The following UPP2 variants were observed in gnomAD, a reference collection of about 807,000 sequenced individuals.
The protein encoded by UPP2 is UPase 2.
UPP2 carries 23 observed loss-of-function variants against 26.7 expected under a neutral mutation model. The observed-to-expected ratio is 0.86, with a 90% CI of 0.62 to 1.22. The LOEUF is 1.22. Among genes scored for constraint, UPP2 ranks in the 50% most tolerant of loss-of-function variants. UPP2 has a pLI of 0.00. For synonymous variants in UPP2, 127 were observed against 141.3 expected (o/e 0.90, Z 0.72); for missense variants, 387 against 396.7 (o/e 0.98, Z 0.21).
At chr2:158,079,447 T>A (rs571343076) in intron 3 of UPP2, among the ~76,000 whole-genome samples, 1 of 152,082 alleles carries the variant, frequency 6.6e-6, no homozygotes, top group East Asian at 1.9e-4. Flanking sequence ...GCTATTCACC[T>A]CCTGGAAGAT....
chr2:158,115,133 G>A lies in UPP2; in HGVS notation c.213G>A (p.Met71Ile), dbSNP rs759381820. ...FVCVGGSPNRMKAFALFMHKE... is the reference protein window; with the variant it reads ...FVCVGGSPNRIKAFALFMHKE... ...GTGTCGGTGGGAGCCCCAACAGAAT[G>A]AAAGCATTTGCACTGTTTATGCACA... The change falls in exon 3 of 7, where the codon ATG becomes ATA. Residue 71 changes from methionine (M) to isoleucine (I), a missense_variant. Transcript: ENST00000005756. The A allele has an allele frequency of 9.3e-6, 15 of 1,607,078 alleles. No individual in the cohort carries two copies. Among genetic ancestry groups the A allele is most frequent in the Middle Eastern group, 1.6e-4 (1 of 6,066 alleles).
At chr2:158,014,254 CTAGGAGGTCTGGTGGAATCAAT>C (rs1683625555) in intron 2 of UPP2, among the ~76,000 whole-genome samples, 1 of 152,234 alleles carries the variant, frequency 6.6e-6, no homozygotes, top group African/African-American at 2.4e-5. Flanking sequence ...AACTAGTCTA[CTAGGAGGTCTGGTGGAATCAAT>C]TAGGAAAGTT....
intron 6 of UPP2, among the ~76,000 whole-genome samples, chr2:158,133,205 CTCTCA>C (rs1213653948): frequency 6.6e-6 from 1 of 152,196 alleles, no homozygotes; most frequent in Non-Finnish European, 1.5e-5. Context: ...GAAGGAAATT[CTCTCA>C]TTTGCAACAA....
At chr2:158,063,727 C>T (rs1682390097) in intron 3 of UPP2, among the ~76,000 whole-genome samples, 1 of 152,106 alleles carries the variant, frequency 6.6e-6, no homozygotes, top group Non-Finnish European at 1.5e-5. Context: ...GGGTATTTCT[C>T]CTAATGTTAT....
chr2:158,068,809 T>TG, intron 3 of UPP2, among the ~76,000 whole-genome samples: 1 of 49,772 alleles, frequency 2.0e-5, no homozygotes, highest in Non-Finnish European at 3.5e-5. Flanking sequence ...TATATTTTTT[T>TG]TTTTTTTTTT....
intron 2 of UPP2, among the ~76,000 whole-genome samples, chr2:158,112,894 A>T (rs1683349342): frequency 6.6e-6 from 1 of 151,888 alleles, no homozygotes; most frequent in Non-Finnish European, 1.5e-5. Context: ...AATGCCTCTG[A>T]CTCCTTCCCA....
intron 6 of UPP2, 128 bp from the exon 7 acceptor site, chr2:158,134,620 T>C: frequency 8.5e-7 from 1 of 1,173,838 alleles, no homozygotes; most frequent in Non-Finnish European, 1.1e-6. Flanking sequence ...AGGTTGCATC[T>C]ACATTACAAC....
chr2:158,026,514 C>T (rs1374876705), intron 3 of UPP2, among the ~76,000 whole-genome samples: 1 of 152,032 alleles, frequency 6.6e-6, no homozygotes, highest in Non-Finnish European at 1.5e-5. Context: ...TCATGGGAAC[C>T]CTCTCTGTGC....
intron 3 of UPP2, among the ~76,000 whole-genome samples, chr2:158,076,696 G>C (rs1023331737): frequency 6.6e-6 from 1 of 151,988 alleles, no homozygotes; most frequent in African/African-American, 2.4e-5. Flanking sequence ...ATATGTGAAA[G>C]ACTCACAGCT....
At chr2:158,122,706 AAAAATG>A (rs1308421019) in intron 5 of UPP2, among the ~76,000 whole-genome samples, 24 of 149,434 alleles carry the variant, frequency 1.6e-4, no homozygotes, top group African/African-American at 5.8e-4. Flanking sequence ...ACTAGCATTT[AAAAATG>A]TACACCAGTA....
intron 2 of UPP2, 106 bp downstream of exon 2, chr2:158,106,322 T>C (rs1263006236): frequency 4.5e-6 from 4 of 889,092 alleles, no homozygotes; most frequent in Non-Finnish European, 7.0e-6. Context: ...ACAGTCCCAA[T>C]AGGAACTGAA....
chr2:158,084,874 C>G (rs1034485088), intron 3 of UPP2, among the ~76,000 whole-genome samples: 1 of 152,032 alleles, frequency 6.6e-6, no homozygotes, highest in African/African-American at 2.4e-5. Flanking sequence ...TATACTAGTA[C>G]CATGCTGTTT....
intron 3 of UPP2, among the ~76,000 whole-genome samples, chr2:158,031,430 T>C (rs1683918871): frequency 6.6e-6 from 1 of 152,232 alleles, no homozygotes; most frequent in African/African-American, 2.4e-5. Context: ...TCTTCATACA[T>C]TTGATGATTT....
At chr2:158,003,729 AAGAG>A (rs921761768) in intron 2 of UPP2, among the ~76,000 whole-genome samples, 15 of 151,558 alleles carry the variant, frequency 9.9e-5, no homozygotes, top group African/African-American at 2.9e-4. Context: ...AAAAAAAAAA[AAGAG>A]AGAAAACTAC....
rs563558975 is a variant in UPP2, at chr2:158,092,767, T to A, written c.148-9273T>A. 2.6e-5 allele frequency among the ~76,000 whole-genome samples: 4 copies of A among 152,350 alleles called. No individual in the cohort carries two copies. In the South Asian group the frequency reaches 8.3e-4, roughly 32 times the overall value. On this transcript the variant is annotated intron_variant, in intron 3 of 9. Transcript: ENST00000605860. ...CAAAATGTGAAGTAGTAATTAGAGT[T>A]AAATTGTTCCAAGTTGCTTGTGTTA...
intron 3 of UPP2, among the ~76,000 whole-genome samples, chr2:158,036,001 G>C (rs993570802): frequency 6.6e-6 from 1 of 152,196 alleles, no homozygotes; most frequent in Admixed American, 6.5e-5. Context: ...TCCTGGAGAT[G>C]TTGTCACTCC....
intron 2 of UPP2, among the ~76,000 whole-genome samples, chr2:158,007,343 A>G (rs1426757077): frequency 1.3e-5 from 2 of 152,208 alleles, no homozygotes; most frequent in Non-Finnish European, 2.9e-5. Flanking sequence ...TTCCAAGCCC[A>G]AGCTCTTTCC....
intron 2 of UPP2, among the ~76,000 whole-genome samples, chr2:158,112,288 C>A (rs1413971389): frequency 6.6e-6 from 1 of 152,010 alleles, no homozygotes; most frequent in Non-Finnish European, 1.5e-5. Flanking sequence ...AACCAAGAGA[C>A]CAGAAATAAA....
At chr2:158,129,633 T>C (rs981587075) in intron 6 of UPP2, among the ~76,000 whole-genome samples, 2 of 151,164 alleles carry the variant, frequency 1.3e-5, no homozygotes. Context: ...AAAGATGACC[T>C]GTACTGCCTC....
Sources: allele counts gnomAD v4.1 joint callset (sites outside exome capture counted in the v4.1 genomes callset), GRCh38; gene constraint gnomAD v4.1.1; transcripts MANE v1.5; gene names NCBI Gene and HGNC (gene_info 2026-07-23, HGNC 2026-07-21).